The following HIVEP3 variants were observed in gnomAD, a reference collection of about 807,000 sequenced individuals.
HIVEP3 encodes HIVEP zinc finger 3.
Under a neutral mutation model 152.8 loss-of-function variants are expected in HIVEP3, and 49 were observed. The ratio of observed to expected loss-of-function variants is 0.32; its 90% CI spans 0.26 to 0.41. The LOEUF (loss-of-function observed/expected upper bound fraction) is 0.41. Among genes scored for constraint, HIVEP3 ranks in the 10% least tolerant of loss-of-function variants. The probability of loss-of-function intolerance (pLI) is 1.00; values close to 1 mark genes in which losing one functional copy is unlikely to be tolerated. For missense variants in HIVEP3, 2,790 were observed against 3,103.3 expected, an observed-to-expected ratio of 0.90 and a Z score of 2.40; for synonymous variants, 1,269 against 1,289.0, an observed-to-expected ratio of 0.98 and a Z score of 0.33.
At chr1:41,597,850 C>T (rs923882978) in intron 3 of HIVEP3, among the ~76,000 whole-genome samples, 12 of 152,178 alleles carry the variant, frequency 7.9e-5, no homozygotes, top group African/African-American at 7.2e-5. Context: ...AATGAACTGA[C>T]ATTAGCTGCT....
intron 2 of HIVEP3, among the ~76,000 whole-genome samples, chr1:41,642,643 G>A (rs1451009727): frequency 6.6e-6 from 1 of 152,228 alleles, no homozygotes; most frequent in African/African-American, 2.4e-5. Flanking sequence ...GGACAGGACT[G>A]GGATGTGTGT....
At chr1:41,684,058 C>A (rs1013396950) in intron 2 of HIVEP3, among the ~76,000 whole-genome samples, 5 of 152,200 alleles carry the variant, frequency 3.3e-5, no homozygotes, top group Non-Finnish European at 7.3e-5. Context: ...CTTTGCCTGA[C>A]CTTGAGATCA....
chr1:41,796,042 C>G (rs753173999), intron 1 of HIVEP3, among the ~76,000 whole-genome samples: 1 of 152,114 alleles, frequency 6.6e-6, no homozygotes, highest in African/African-American at 2.4e-5. Context: ...GCTCTTTCAG[C>G]GGACAGAACT....
chr1:41,947,063 C>G (rs1293099299), intron 1 of HIVEP3, among the ~76,000 whole-genome samples: 2 of 152,134 alleles, frequency 1.3e-5, no homozygotes, highest in Admixed American at 1.3e-4. Context: ...TTTCTGCATC[C>G]CTGTACTTCT....
intron 1 of HIVEP3, among the ~76,000 whole-genome samples, chr1:41,939,328 T>C (rs13376493): frequency 0.033 from 5,007 of 152,290 alleles, 303 homozygotes; most frequent in African/African-American, 0.12. Flanking sequence ...ACCACTTTGT[T>C]AGTGAACTCC....
At chr1:41,933,724 G>T (rs1385104739) in intron 1 of HIVEP3, among the ~76,000 whole-genome samples, 2 of 151,770 alleles carry the variant, frequency 1.3e-5, no homozygotes, top group Admixed American at 6.6e-5. Flanking sequence ...TGTTCCTTCT[G>T]TTTTTTTCTT....
At chr1:41,851,583 G>C (rs901606102) in intron 1 of HIVEP3, among the ~76,000 whole-genome samples, 1 of 151,998 alleles carries the variant, frequency 6.6e-6, no homozygotes, top group East Asian at 1.9e-4. Context: ...TTACAGGCGT[G>C]AACCATCATG....
intron 1 of HIVEP3, among the ~76,000 whole-genome samples, chr1:41,987,528 C>T (rs1645331408): frequency 6.6e-6 from 1 of 152,094 alleles, no homozygotes; most frequent in African/African-American, 2.4e-5. Context: ...TGCTACAAAG[C>T]TAGAGTAATC....
At chr1:41,771,432 C>A (rs1014007983) in intron 1 of HIVEP3, among the ~76,000 whole-genome samples, 2 of 152,228 alleles carry the variant, frequency 1.3e-5, no homozygotes, top group Non-Finnish European at 2.9e-5. Context: ...ATTAAAGCTT[C>A]TCTCCTCCGG....
rs142768621 is a variant in HIVEP3, at chr1:41,835,887, A to T, written c.-801+82526T>A. On this transcript the variant is annotated intron_variant, in intron 1 of 8. Transcript: ENST00000372583. ...AATTTCAAGTCACTATAGATAGAGT[A>T]TTATGCAAATAAAAGATTATTTTTT... Among the ~76,000 whole-genome samples the T allele has an allele frequency of 4.6e-3, 707 of 152,350 alleles. 4 individuals are homozygous for T. Among genetic ancestry groups the T allele is most frequent in the African/African-American group, 0.016 (677 of 41,570 alleles).
chr1:41,630,389 C>T lies in HIVEP3; in HGVS notation c.-720-1442G>A, dbSNP rs185970175. Among the ~76,000 whole-genome samples the T allele has an allele frequency of 1.2e-4, 18 of 152,240 alleles. No individual in the cohort carries two copies. The East Asian group carries it at 3.5e-3, about 29-fold the overall frequency. On this transcript the variant is annotated intron_variant, in intron 2 of 8. Coordinates refer to ENST00000372583, the MANE Select transcript of HIVEP3 (RefSeq NM_024503.5). The stretch of plus-strand genomic sequence containing the variant: ...AAACCTCAGCATCACATAATATACC[C>T]AAACCTGCACATGTACCCCAAATCT...
chr1:41,735,267 G>A (rs1034650692), intron 1 of HIVEP3, among the ~76,000 whole-genome samples: 10 of 152,178 alleles, frequency 6.6e-5, no homozygotes, highest in Admixed American at 5.2e-4. Flanking sequence ...CTCTTCCTAC[G>A]TAAGGGCACG....
At chr1:41,530,596 G>C (rs1558034015) in intron 5 of HIVEP3, among the ~76,000 whole-genome samples, 1 of 152,102 alleles carries the variant, frequency 6.6e-6, no homozygotes, top group Admixed American at 6.5e-5. Context: ...CTTGCTTGTC[G>C]GGTCCATGGC....
intron 1 of HIVEP3, among the ~76,000 whole-genome samples, chr1:41,869,109 T>A (rs939793091): frequency 6.6e-6 from 1 of 152,212 alleles, no homozygotes; most frequent in African/African-American, 2.4e-5. Context: ...AGGCTACTTA[T>A]GTCAGTAGAA....
intron 1 of HIVEP3, among the ~76,000 whole-genome samples, chr1:41,722,210 G>A (rs1427145905): frequency 6.6e-6 from 1 of 152,158 alleles, no homozygotes; most frequent in Admixed American, 6.5e-5. Flanking sequence ...TGTCTCTGCT[G>A]CAGACTTGTC....
chr1:41,738,172 C>T (rs1218589357), intron 1 of HIVEP3, among the ~76,000 whole-genome samples: 1 of 152,226 alleles, frequency 6.6e-6, no homozygotes, highest in African/African-American at 2.4e-5. Context: ...CTGCCCCAGG[C>T]CTTGGCCTCT....
At chr1:41,659,950 A>ATGTG (rs1287943128) in intron 2 of HIVEP3, among the ~76,000 whole-genome samples, 1 of 152,138 alleles carries the variant, frequency 6.6e-6, no homozygotes, top group African/African-American at 2.4e-5. Flanking sequence ...AATGGGATGA[A>ATGTG]TGTGTGTGTG....
chr1:41,714,312 G>A (rs532628734), intron 1 of HIVEP3, among the ~76,000 whole-genome samples: 2 of 152,268 alleles, frequency 1.3e-5, no homozygotes, highest in African/African-American at 4.8e-5. Flanking sequence ...AGAAGTGGAG[G>A]ACGGGAAGAA....
At chr1:41,529,367 G>C (rs971637213) in intron 5 of HIVEP3, among the ~76,000 whole-genome samples, 10 of 48,762 alleles carry the variant, frequency 2.1e-4, no homozygotes, top group Admixed American at 2.5e-4. Flanking sequence ...ACACTCACAC[G>C]CTCACCCTCA....
Sources: gnomAD v4.1 joint callset for allele counts (sites outside exome capture counted in the v4.1 genomes callset) on GRCh38, gnomAD v4.1.1 for gene constraint, MANE v1.5 for transcripts, NCBI Gene and HGNC (gene_info 2026-07-23, HGNC 2026-07-21) for gene names.